The following STK32A variants were observed in gnomAD, a reference collection of about 807,000 sequenced individuals.
STK32A encodes serine/threonine kinase 32A.
STK32A carries 41 observed loss-of-function variants against 53.2 expected under a neutral mutation model. That is an observed-to-expected ratio of 0.77 (90% CI 0.60 to 1.00). The LOEUF (loss-of-function observed/expected upper bound fraction) is 1.00. Ranked by LOEUF, STK32A falls within the 50% of genes least tolerant of loss-of-function variation. The pLI is 0.00. For missense variants in STK32A, 458 were observed against 485.8 expected (o/e 0.94, Z 0.54); for synonymous variants, 166 against 162.8 (o/e 1.02, Z -0.15).
chr5:147,361,661 AT>A, intron 8 of STK32A, 47 bp downstream of exon 8: 1 of 1,335,698 alleles, frequency 7.5e-7, no homozygotes, highest in Non-Finnish European at 1.1e-6. Flanking sequence ...AGCAAGTTCT[AT>A]TTTAGAATGA....
At chr5:147,327,739 A>C (rs7728309) in intron 5 of STK32A, among the ~76,000 whole-genome samples, 13,899 of 152,210 alleles carry the variant, frequency 0.091, 1,387 homozygotes, top group African/African-American at 0.25. Context: ...CTGAAAAATT[A>C]CTTGCCCAAG....
At chr5:147,332,739 G>A (rs1754935568) in intron 5 of STK32A, among the ~76,000 whole-genome samples, 1 of 152,194 alleles carries the variant, frequency 6.6e-6, no homozygotes, top group Non-Finnish European at 1.5e-5. Context: ...CGGCAGTGCA[G>A]TAATGAGGGT....
intron 8 of STK32A, among the ~76,000 whole-genome samples, chr5:147,364,587 T>G (rs1756662340): frequency 6.6e-6 from 1 of 152,152 alleles, no homozygotes; most frequent in Non-Finnish European, 1.5e-5. Context: ...CAACAGAAAT[T>G]TATTTTCTCA....
At position 147,387,201 on chromosome 5, in the gene STK32A, G is replaced by A. The variant is rs1369702760; in HGVS notation, c.*3218G>A. The A allele has an allele frequency of 6.6e-6, 1 of 152,208 alleles. No homozygotes were observed. The highest frequency in any genetic ancestry group is 2.4e-5 in the African/African-American group (1 of 41,450). 9.4% of individuals were successfully genotyped at this position (152,208 alleles called of 1,614,324 possible). Reference sequence around the variant, plus strand: ...ACCCTCAGTGACCTCGAGTAGATGCGTAGGGCAGTCAAACCCGGCAACTTA... The same window carrying A: ...ACCCTCAGTGACCTCGAGTAGATGCATAGGGCAGTCAAACCCGGCAACTTA... On this transcript the variant is annotated 3_prime_UTR_variant, in exon 13 of 13. Transcript: ENST00000397936.
At chr5:147,260,462 G>C (rs932008368) in intron 2 of STK32A, among the ~76,000 whole-genome samples, 5 of 151,960 alleles carry the variant, frequency 3.3e-5, no homozygotes, top group Admixed American at 3.3e-4. Flanking sequence ...CTTCCCCCAA[G>C]AAGAAAGGGG....
Position 147,351,165 on chromosome 5 carries a change from C to A in STK32A, c.562+11C>A. On this transcript the variant is annotated intron_variant, in intron 7 of 12. Coordinates refer to ENST00000397936, the MANE Select transcript of STK32A (RefSeq NM_001112724.2). Reference sequence around the variant, plus strand: ...CCAAGCCTTACATGGGTATGGGTTTCATGAGTGTCTTTTTTTTTTCTTTCC... The same window carrying A: ...CCAAGCCTTACATGGGTATGGGTTTAATGAGTGTCTTTTTTTTTTCTTTCC... 6.2e-7 allele frequency: 1 copy of A among 1,605,484 alleles called. No individual in the cohort carries two copies. The highest frequency in any genetic ancestry group is 1.1e-5 in the South Asian group (1 of 90,256).
the STK32A span, chr5:147,401,801 A>T: frequency 0.011 from 15,015 of 1,381,656 alleles, 1,417 homozygotes; most frequent in African/African-American, 0.2. Flanking sequence ...TGTGTCTCAG[A>T]GTCAGACTGA....
chr5:147,341,554 T>G (rs928434962), intron 5 of STK32A, among the ~76,000 whole-genome samples: 2 of 152,186 alleles, frequency 1.3e-5, no homozygotes, highest in Non-Finnish European at 1.5e-5. Context: ...GGCACAGTTG[T>G]GCAATGCAGC....
chr5:147,379,572 T>C (rs1448010661), intron 11 of STK32A, among the ~76,000 whole-genome samples: 1 of 152,066 alleles, frequency 6.6e-6, no homozygotes, highest in Non-Finnish European at 1.5e-5. Flanking sequence ...CCTTGGCTCT[T>C]TTTATGCTCA....
At chr5:147,265,142 T>TA (rs35393561) in intron 2 of STK32A, among the ~76,000 whole-genome samples, 43,318 of 147,622 alleles carry the variant, frequency 0.29, 6,745 homozygotes, top group African/African-American at 0.36. Context: ...TTATATATTT[T>TA]TATATATATT....
intron 2 of STK32A, among the ~76,000 whole-genome samples, chr5:147,254,235 C>T (rs1754124437): frequency 6.6e-6 from 1 of 152,168 alleles, no homozygotes; most frequent in Admixed American, 6.5e-5. Context: ...AGGACTTCAA[C>T]CTATCTTTTT....
At chr5:147,342,962 C>G (rs777066336) in intron 5 of STK32A, 44 bp from the exon 6 acceptor site, 1 of 1,604,714 alleles carries the variant, frequency 6.2e-7, no homozygotes, top group Non-Finnish European at 8.5e-7. Context: ...TAGTTCTGTT[C>G]GTTTTATTGT....
chr5:147,333,961 G>A lies in STK32A; in HGVS notation c.435-9045G>A, dbSNP rs143159271. On this transcript the variant is annotated intron_variant, in intron 5 of 12. Coordinates refer to ENST00000397936, the MANE Select transcript of STK32A (RefSeq NM_001112724.2). The stretch of plus-strand genomic sequence containing the variant: ...GAATTTCTTTAAATTTTGTTAAATA[G>A]GTATAATAACATTATATATAAGAAA... 7.2e-3 allele frequency among the ~76,000 whole-genome samples: 1,098 copies of A among 152,112 alleles called. 33 individuals are homozygous for A. The highest frequency in any genetic ancestry group is 0.061 in the Admixed American group (925 of 15,268).
At chr5:147,266,677 C>T (rs1425957041) in intron 2 of STK32A, among the ~76,000 whole-genome samples, 2 of 152,086 alleles carry the variant, frequency 1.3e-5, no homozygotes, top group Non-Finnish European at 2.9e-5. Context: ...ATATTCTTGG[C>T]ACTGTTGGTC....
At chr5:147,265,125 TAC>T (rs1282429672) in intron 2 of STK32A, among the ~76,000 whole-genome samples, 1 of 133,378 alleles carries the variant, frequency 7.5e-6, no homozygotes, top group African/African-American at 2.9e-5. Context: ...CAATTATATA[TAC>T]AATTTTATAT....
At chr5:147,374,957 T>C in intron 10 of STK32A, 133 bp from the exon 11 acceptor site, 1 of 660,178 alleles carries the variant, frequency 1.5e-6, no homozygotes, top group Non-Finnish European at 2.2e-6. Flanking sequence ...AACGTAAAAC[T>C]TAGAGTGGGA....
intron 4 of STK32A, among the ~76,000 whole-genome samples, chr5:147,284,691 C>CAAAAAAAAAAAAAAAAAAA: frequency 1.6e-5 from 1 of 61,412 alleles, no homozygotes; most frequent in Non-Finnish European, 3.6e-5. Context: ...CAAAACAAGA[C>CAAAAAAAAAAAAAAAAAAA]AAAACAAAAA....
chr5:147,367,849 A>G (rs1756833125), intron 8 of STK32A, among the ~76,000 whole-genome samples: 1 of 152,232 alleles, frequency 6.6e-6, no homozygotes, highest in Non-Finnish European at 1.5e-5. Flanking sequence ...GACACCTTCT[A>G]GGAAAAAATG....
intron 2 of STK32A, among the ~76,000 whole-genome samples, chr5:147,241,602 T>C (rs1398082797): frequency 6.6e-6 from 1 of 152,236 alleles, no homozygotes; most frequent in Non-Finnish European, 1.5e-5. Flanking sequence ...GAATAGTTCA[T>C]AGGAACTTTG....
Sources: allele counts gnomAD v4.1 joint callset (sites outside exome capture counted in the v4.1 genomes callset), GRCh38; gene constraint gnomAD v4.1.1; transcripts MANE v1.5; gene names NCBI Gene and HGNC (gene_info 2026-07-23, HGNC 2026-07-21).